Variants in ATP8A2 observed in about 807,000 individuals in gnomAD.
ATP8A2 encodes ATPase phospholipid transporting 8A2, also known as phospholipid-transporting ATPase IB.
ATP8A2 carries 100 observed loss-of-function variants against 165.6 expected under a neutral mutation model. The ratio of observed to expected loss-of-function variants is 0.60; its 90% CI spans 0.51 to 0.71. ATP8A2 has a LOEUF of 0.71. Ranked by LOEUF, ATP8A2 falls within the 30% of genes least tolerant of loss-of-function variation. ATP8A2 has a pLI of 0.00. For missense variants in ATP8A2, 1,227 were observed against 1,479.5 expected, an observed-to-expected ratio of 0.83 and a Z score of 2.80; for synonymous variants, 543 against 548.8, an observed-to-expected ratio of 0.99 and a Z score of 0.15.
chr13:25,576,675 A>T (rs1296378764), intron 19 of ATP8A2, among the ~76,000 whole-genome samples: 1 of 152,118 alleles, frequency 6.6e-6, no homozygotes, highest in Non-Finnish European at 1.5e-5. Flanking sequence ...AGTTAAGTGG[A>T]TCTATACTGA....
intron 24 of ATP8A2, among the ~76,000 whole-genome samples, chr13:25,696,387 T>C (rs1422885707): frequency 6.6e-6 from 1 of 152,250 alleles, no homozygotes; most frequent in Non-Finnish European, 1.5e-5. Context: ...AAGCTTGGGA[T>C]TGACTTCTCC....
At chr13:25,811,763 A>C (rs574667893) in intron 27 of ATP8A2, among the ~76,000 whole-genome samples, 3 of 152,344 alleles carry the variant, frequency 2.0e-5, no homozygotes, top group African/African-American at 7.2e-5. Flanking sequence ...CAGATAGCTG[A>C]AGCAGGAGGA....
chr13:25,570,963 TC>T, intron 17 of ATP8A2, 91 bp downstream of exon 17: 1 of 895,164 alleles, frequency 1.1e-6, no homozygotes, highest in Non-Finnish European at 1.7e-6. Context: ...ATGTAGTCCG[TC>T]CCACAGACTC....
At chr13:25,497,494 T>C (rs1248234231) in intron 2 of ATP8A2, among the ~76,000 whole-genome samples, 3 of 152,220 alleles carry the variant, frequency 2.0e-5, no homozygotes, top group Admixed American at 2.0e-4. Context: ...AAGGCTGTTT[T>C]AATGTATGAA....
chr13:25,613,656 T>C (rs994005562), intron 24 of ATP8A2, among the ~76,000 whole-genome samples: 2 of 152,170 alleles, frequency 1.3e-5, no homozygotes, highest in Non-Finnish European at 2.9e-5. Context: ...TCTCTCAGCA[T>C]TTTTTTGTCT....
intron 1 of ATP8A2, among the ~76,000 whole-genome samples, chr13:25,467,221 A>G (rs2035692879): frequency 6.6e-6 from 1 of 152,314 alleles, no homozygotes; most frequent in Admixed American, 6.5e-5. Flanking sequence ...GGCACACGCA[A>G]AAAGCAAGAG....
rs570492552 is a variant in ATP8A2 at position 25,781,233 on chromosome 13, C to T, written c.2679+6274C>T. ...AGCGGAAGCCGAGATCGTGCCACTG[C>T]ACTCCAGCCTGGGTGACAGAGTGAG... is the stretch of plus-strand genomic sequence containing the variant. On this transcript the variant is annotated intron_variant, in intron 27 of 36. Coordinates refer to ENST00000381655, the MANE Select transcript of ATP8A2 (RefSeq NM_016529.6). 2.0e-5 allele frequency among the ~76,000 whole-genome samples: 3 copies of T among 152,178 alleles called. No individual in the cohort carries two copies. The Middle Eastern group carries it at 0.01, about 518-fold the overall frequency.
At chr13:25,802,712 A>G (rs1355042212) in intron 27 of ATP8A2, among the ~76,000 whole-genome samples, 1 of 152,150 alleles carries the variant, frequency 6.6e-6, no homozygotes, top group South Asian at 2.1e-4. Context: ...CTTCAATTTC[A>G]TCATAAAAGT....
intron 27 of ATP8A2, among the ~76,000 whole-genome samples, chr13:25,808,409 G>A (rs1160054415): frequency 1.3e-5 from 2 of 151,808 alleles, no homozygotes; most frequent in African/African-American, 4.8e-5. Context: ...GACCAGCCTG[G>A]GCAACGTGGT....
chr13:26,003,825 C>T (rs1227503691), intron 35 of ATP8A2, among the ~76,000 whole-genome samples: 1 of 152,126 alleles, frequency 6.6e-6, no homozygotes, highest in African/African-American at 2.4e-5. Context: ...AATCAGTTGA[C>T]CATAAATGTA....
chr13:25,856,339 G>A (rs576473500), intron 30 of ATP8A2, among the ~76,000 whole-genome samples: 2 of 152,266 alleles, frequency 1.3e-5, no homozygotes, highest in South Asian at 2.1e-4. Context: ...GCTAAGTAAC[G>A]TGTACACATG....
intron 25 of ATP8A2, among the ~76,000 whole-genome samples, chr13:25,714,521 A>G (rs968521233): frequency 6.6e-6 from 1 of 152,190 alleles, no homozygotes; most frequent in Non-Finnish European, 1.5e-5. Flanking sequence ...CACCCAACAG[A>G]ATGTTTGTTT....
chr13:25,703,157 G>A (rs1403789082), intron 25 of ATP8A2, among the ~76,000 whole-genome samples: 3 of 152,142 alleles, frequency 2.0e-5, no homozygotes, highest in Non-Finnish European at 4.4e-5. Flanking sequence ...TCAGCCCACT[G>A]CAACCTCTAC....
Position 25,568,062 on chromosome 13 carries a change from A to G in ATP8A2, c.1474-2705A>G, listed in dbSNP as rs572582701. On this transcript the variant is annotated intron_variant, in intron 16 of 36. Transcript: ENST00000381655. ...ACCCTTACTTTCCTCCCAAGGGAAT[A>G]CTTCCATTTGCTACAGAATTTTCTT... Among the ~76,000 whole-genome samples the G allele has an allele frequency of 3.0e-4, 45 of 152,368 alleles. No homozygotes were observed. In the South Asian group the frequency reaches 9.1e-3, roughly 31 times the overall value.
intron 36 of ATP8A2, among the ~76,000 whole-genome samples, chr13:26,017,482 G>A (rs1380725591): frequency 6.6e-6 from 1 of 152,236 alleles, no homozygotes; most frequent in East Asian, 1.9e-4. Context: ...AGGGCAGCTT[G>A]TACAGGATTG....
intron 1 of ATP8A2, among the ~76,000 whole-genome samples, chr13:25,429,311 A>G (rs890691165): frequency 3.4e-5 from 5 of 148,004 alleles, no homozygotes; most frequent in Admixed American, 2.7e-4. Context: ...CGGAGGTTGC[A>G]GTGTGCCAAG....
chr13:25,868,149 C>T (rs747542280), intron 33 of ATP8A2: 11 of 455,958 alleles, frequency 2.4e-5, no homozygotes, highest in South Asian at 7.8e-5. Context: ...AGGAAATAAA[C>T]GCTTGTTAAA....
intron 33 of ATP8A2, among the ~76,000 whole-genome samples, chr13:25,941,660 G>C (rs1022077197): frequency 1.3e-5 from 2 of 152,120 alleles, no homozygotes; most frequent in Non-Finnish European, 2.9e-5. Flanking sequence ...AGTCCTGGCA[G>C]CAGCACACAC....
At chr13:25,461,789 G>C (rs2035508914) in intron 1 of ATP8A2, among the ~76,000 whole-genome samples, 1 of 152,014 alleles carries the variant, frequency 6.6e-6, no homozygotes, top group African/African-American at 2.4e-5. Flanking sequence ...ACCATGGCCT[G>C]TAAAGTAAGA....
Sources: gnomAD v4.1 joint callset for allele counts (sites outside exome capture counted in the v4.1 genomes callset) on GRCh38, gnomAD v4.1.1 for gene constraint, MANE v1.5 for transcripts, NCBI Gene and HGNC (gene_info 2026-07-23, HGNC 2026-07-21) for gene names.